The following AAK1 variants were observed in gnomAD, a reference collection of about 807,000 sequenced individuals.
The protein encoded by AAK1 is AP2-associated protein kinase 1.
A neutral mutation model predicts 116.0 loss-of-function variants in AAK1; 37 were observed. The observed-to-expected ratio is 0.32, with a 90% CI of 0.25 to 0.42. The LOEUF (loss-of-function observed/expected upper bound fraction) is 0.42, where lower values mean the gene tolerates loss of function less well. Among genes scored for constraint, AAK1 ranks in the 10% least tolerant of loss-of-function variants. The pLI, the probability that AAK1 is intolerant of heterozygous loss-of-function variation, is 1.00. For missense variants in AAK1, 919 were observed against 1,170.6 expected, an observed-to-expected ratio of 0.79 and a Z score of 3.14; for synonymous variants, 458 against 439.9, an observed-to-expected ratio of 1.04 and a Z score of -0.51.
In AAK1 at chr2:69,473,881, G is replaced by T. The variant is rs1674760428; in HGVS notation, c.*1988C>A. On this transcript the variant is annotated 3_prime_UTR_variant, in exon 22 of 22. Transcript: ENST00000409085. ...CAGCAATTTTCCTGTCCATAAAGGGGTAAACCAAGTCCTATTTTCACTGCT... is the reference window on the plus strand; with the variant it reads ...CAGCAATTTTCCTGTCCATAAAGGGTTAAACCAAGTCCTATTTTCACTGCT... 1.0e-6 allele frequency: 1 copy of T among 985,580 alleles called. No homozygotes were observed. Among genetic ancestry groups the T allele is most frequent in the African/African-American group, 1.7e-5 (1 of 57,178 alleles). The allele number at this position is 985,580 out of a possible 1,614,324, so 61.1% of individuals were successfully genotyped here.
chr2:69,640,051 ACACTCTCTCT>A (rs1406789402), intron 2 of AAK1, among the ~76,000 whole-genome samples: 3 of 100,804 alleles, frequency 3.0e-5, no homozygotes, highest in South Asian at 6.1e-4. Context: ...ACACACACAC[ACACTCTCTCT>A]CTCTCTCTCT....
chr2:69,525,221 G>A (rs928944694), intron 9 of AAK1, 109 bp from the exon 10 acceptor site: 3 of 1,112,066 alleles, frequency 2.7e-6, no homozygotes, highest in Non-Finnish European at 2.6e-6. Flanking sequence ...CACATTTTGG[G>A]ATCTTCTGGA....
At chr2:69,622,812 T>C (rs892996534) in intron 2 of AAK1, among the ~76,000 whole-genome samples, 1 of 152,090 alleles carries the variant, frequency 6.6e-6, no homozygotes, top group Non-Finnish European at 1.5e-5. Flanking sequence ...CAATCGACAC[T>C]CCGCATCTAG....
chr2:69,604,226 C>T (rs992404843), intron 2 of AAK1, among the ~76,000 whole-genome samples: 4 of 152,226 alleles, frequency 2.6e-5, no homozygotes, highest in African/African-American at 9.6e-5. Context: ...GCTGGCCAGA[C>T]ACCATTCAAT....
At position 69,468,684 on chromosome 2, in the gene AAK1, G is replaced by A. The variant is rs1265135207; in HGVS notation, c.*7185C>T. The A allele has an allele frequency of 1.0e-5, 10 of 985,296 alleles. No individual in the cohort carries two copies. Among genetic ancestry groups the A allele is most frequent in the Non-Finnish European group, 1.2e-5 (10 of 829,936 alleles). The allele number at this position is 985,296 out of a possible 1,614,324, so 61.0% of individuals were successfully genotyped here. On this transcript the variant is annotated 3_prime_UTR_variant, in exon 22 of 22. Transcript: ENST00000409085. The stretch of plus-strand genomic sequence containing the variant: ...ATTCAGTTAAAACAATTTGTGCACA[G>A]AGACTGGCAAAAAAGCAGCTATCTA...
intron 15 of AAK1, 44 bp from the exon 16 acceptor site, chr2:69,505,717 G>A (rs201795819): frequency 6.6e-7 from 1 of 1,509,288 alleles, no homozygotes; most frequent in African/African-American, 1.4e-5. Context: ...GCAGAATCTT[G>A]CGAGGCACAC....
At chr2:69,614,824 G>A (rs1184140139) in intron 2 of AAK1, among the ~76,000 whole-genome samples, 5 of 152,126 alleles carry the variant, frequency 3.3e-5, no homozygotes, top group East Asian at 1.9e-4. Context: ...AGAGGAGAAG[G>A]TCATGCAAAA....
chr2:69,502,584 G>A (rs1676020576), intron 16 of AAK1, among the ~76,000 whole-genome samples: 1 of 152,182 alleles, frequency 6.6e-6, no homozygotes, highest in African/African-American at 2.4e-5. Flanking sequence ...TTGTGCCATT[G>A]CACTCCAGCC....
At position 69,458,957 on chromosome 2, in the gene AAK1, C is replaced by G. The variant is rs1476157316; in HGVS notation, c.*16912G>C. ...TATAATGCAATGCAGGTAACACTAA[C>G]TTGATTTCAAGAACATTGTCAAAAC... On this transcript the variant is annotated 3_prime_UTR_variant, in exon 22 of 22. Coordinates refer to ENST00000409085, the MANE Select transcript of AAK1 (RefSeq NM_014911.5). 1 of 152,300 alleles carries G rather than the reference C, an allele frequency of 6.6e-6. No homozygotes were observed. The highest frequency in any genetic ancestry group is 1.5e-5 in the Non-Finnish European group (1 of 68,036). 9.4% of individuals were successfully genotyped at this position (152,300 alleles called of 1,614,324 possible).
chr2:69,528,684 T>C (rs1435046736), intron 8 of AAK1, among the ~76,000 whole-genome samples: 3 of 152,160 alleles, frequency 2.0e-5, no homozygotes, highest in Non-Finnish European at 4.4e-5. Flanking sequence ...CTAATGATGA[T>C]AAACTTAATT....
chr2:69,543,276 GC>G (rs1281814830), intron 4 of AAK1, among the ~76,000 whole-genome samples: 1 of 152,156 alleles, frequency 6.6e-6, no homozygotes, highest in Non-Finnish European at 1.5e-5. Context: ...AAGGAAATGA[GC>G]AGGAGGAAAC....
chr2:69,528,824 T>C (rs936474649), intron 8 of AAK1, among the ~76,000 whole-genome samples: 3 of 152,222 alleles, frequency 2.0e-5, no homozygotes, highest in South Asian at 2.1e-4. Flanking sequence ...ATAAATGTTT[T>C]AAAAATTATC....
intron 2 of AAK1, among the ~76,000 whole-genome samples, chr2:69,615,515 G>A (rs1289310697): frequency 1.3e-5 from 2 of 152,196 alleles, no homozygotes; most frequent in East Asian, 3.8e-4. Flanking sequence ...TTCCTGGGAG[G>A]ACCTCCCCAA....
intron 2 of AAK1, among the ~76,000 whole-genome samples, chr2:69,567,884 A>T (rs981728153): frequency 9.2e-5 from 14 of 152,226 alleles, no homozygotes; most frequent in African/African-American, 3.4e-4. Flanking sequence ...GCTGGAAATC[A>T]AAACGCTCTT....
rs1440647558 is a variant in AAK1 at position 69,643,289 on chromosome 2, GAAGA to G, written c.-234-19_-234-16del. On this transcript the variant is annotated splice_polypyrimidine_tract_variant and intron_variant, in intron 1 of 21. Coordinates refer to ENST00000409085, the MANE Select transcript of AAK1 (RefSeq NM_014911.5). The stretch of plus-strand genomic sequence containing the variant: ...TAAGTTTAAACCTGTGATGACAGAG[GAAGA>G]AAGAGAGGATGAATCAGTAACACGC... 4.4e-6 allele frequency: 6 copies of G among 1,372,352 alleles called. No homozygotes were observed. The South Asian group carries it at 5.7e-5, about 13-fold the overall frequency. 85.0% of individuals were successfully genotyped at this position (1,372,352 alleles called of 1,614,324 possible). A position where few individuals can be genotyped will look rare whatever the true frequency, so the allele number is the denominator to read the frequency against.
At chr2:69,641,735 G>A (rs755946673) in intron 2 of AAK1, among the ~76,000 whole-genome samples, 1 of 152,072 alleles carries the variant, frequency 6.6e-6, no homozygotes, top group Non-Finnish European at 1.5e-5. Flanking sequence ...CAGGACCCTT[G>A]CTTCAACTTT....
intron 15 of AAK1, among the ~76,000 whole-genome samples, chr2:69,507,023 A>C (rs1676212387): frequency 6.6e-6 from 1 of 152,150 alleles, no homozygotes; most frequent in Non-Finnish European, 1.5e-5. Flanking sequence ...TGTCCATGTG[A>C]AGGCACATTC....
rs911424150 is a variant in AAK1, at chr2:69,463,895, C to T, written c.*11974G>A. 1 of 152,542 alleles carries T rather than the reference C, an allele frequency of 6.6e-6. No homozygotes were observed. Among genetic ancestry groups the T allele is most frequent in the African/African-American group, 2.4e-5 (1 of 41,418 alleles). 9.4% of individuals were successfully genotyped at this position (152,542 alleles called of 1,614,324 possible). On this transcript the variant is annotated 3_prime_UTR_variant, in exon 22 of 22. Coordinates refer to ENST00000409085, the MANE Select transcript of AAK1 (RefSeq NM_014911.5). ...GAACTTCCTGGGCTCAACTGATCCT[C>T]CTGCCTCAGCCTTCCAAAATGCTGG...
intron 16 of AAK1, among the ~76,000 whole-genome samples, chr2:69,505,302 G>C (rs1274966098): frequency 6.6e-6 from 1 of 152,144 alleles, no homozygotes; most frequent in Non-Finnish European, 1.5e-5. Context: ...GTGGACTAGA[G>C]AGAACAAGTC....
Sources: gnomAD v4.1 joint callset for allele counts (sites outside exome capture counted in the v4.1 genomes callset) on GRCh38, gnomAD v4.1.1 for gene constraint, MANE v1.5 for transcripts, NCBI Gene and HGNC (gene_info 2026-07-23, HGNC 2026-07-21) for gene names.